IL7: variants seen among roughly 807,000 people sequenced by gnomAD.
IL7 encodes interleukin 7.
In IL7, 3 loss-of-function variants were observed where a neutral mutation model predicts 21.6. That is an observed-to-expected ratio of 0.14 (90% CI 0.06 to 0.36). IL7 has a LOEUF of 0.36. IL7 is among the 10% of genes least tolerant of loss of function. The pLI, the probability that IL7 is intolerant of heterozygous loss-of-function variation, is 1.00. For synonymous variants in IL7, 62 were observed against 68.1 expected, an observed-to-expected ratio of 0.91 and a Z score of 0.44; for missense variants, 175 against 200.2, an observed-to-expected ratio of 0.87 and a Z score of 0.76.
chr8:78,687,330 A>G (rs763727346), intron 3 of IL7, among the ~76,000 whole-genome samples: 2 of 151,622 alleles, frequency 1.3e-5, no homozygotes, highest in Non-Finnish European at 2.9e-5. Flanking sequence ...TAGCAAATCT[A>G]GATATGATCG....
At chr8:78,784,738 GAATAT>G (rs1813454079) in intron 2 of IL7, among the ~76,000 whole-genome samples, 1 of 151,884 alleles carries the variant, frequency 6.6e-6, no homozygotes, top group African/African-American at 2.4e-5. Context: ...GAAAATAAAA[GAATAT>G]AATATATTTT....
chr8:78,762,900 G>T (rs148314139), intron 2 of IL7, among the ~76,000 whole-genome samples: 1 of 151,934 alleles, frequency 6.6e-6, no homozygotes, highest in Non-Finnish European at 1.5e-5. Flanking sequence ...TAATTTCATG[G>T]ATTGGCTTCT....
chr8:78,793,730 G>T (rs1813768695), intron 2 of IL7, among the ~76,000 whole-genome samples: 1 of 152,100 alleles, frequency 6.6e-6, no homozygotes, highest in African/African-American at 2.4e-5. Context: ...TTTCATAAAA[G>T]ATTCCTCTGT....
chr8:78,762,299 A>G (rs1812590700), intron 2 of IL7: 1 of 1,595,500 alleles, frequency 6.3e-7, no homozygotes, highest in Admixed American at 1.7e-5. Flanking sequence ...TTTATCTTCT[A>G]AGTCTGCTCT....
At chr8:78,797,908 T>C (rs955603797) in intron 2 of IL7, 164 bp downstream of exon 2, 29 of 474,218 alleles carry the variant, frequency 6.1e-5, no homozygotes, top group Middle Eastern at 5.5e-4. Context: ...TACATAATTA[T>C]GTCAGCTATA....
intron 2 of IL7, among the ~76,000 whole-genome samples, chr8:78,749,003 G>A (rs1812075561): frequency 6.6e-6 from 1 of 152,118 alleles, no homozygotes; most frequent in African/African-American, 2.4e-5. Context: ...CTATGTAGAA[G>A]CCTATATTTA....
chr8:78,772,895 C>A (rs1023965253), intron 2 of IL7, among the ~76,000 whole-genome samples: 1 of 152,114 alleles, frequency 6.6e-6, no homozygotes, highest in Non-Finnish European at 1.5e-5. Flanking sequence ...AGGAGCACTT[C>A]CACCACACAG....
At chr8:78,774,568 A>G (rs1305608401) in intron 2 of IL7, among the ~76,000 whole-genome samples, 1 of 152,064 alleles carries the variant, frequency 6.6e-6, no homozygotes, top group East Asian at 1.9e-4. Flanking sequence ...AGCCCAAGTA[A>G]AGCAATTCTC....
rs374385318 is a variant in IL7 at position 78,804,914 on chromosome 8, A to G, written c.9T>C (p.His3=). The part of the protein sequence containing the change: MF[H]VSFRYIFGLP... ...TGCGCAAGGGAGAAGAGCGCTTACC[A>G]TGGAACATGGTCTGCGGGAGGCGGG... The change falls in exon 1 of 6, where the codon CAT becomes CAC. Residue 3 remains histidine, a splice_region_variant and synonymous_variant. Transcript: ENST00000263851. The G allele has an allele frequency of 8.6e-5, 138 of 1,612,878 alleles. 1 individual carries two copies. Among genetic ancestry groups the G allele is most frequent in the South Asian group, 1.9e-4 (17 of 90,936 alleles).
At chr8:78,686,453 TTATTTATTTA>T (rs1809976200) in intron 3 of IL7, 1 of 1,359,194 alleles carries the variant, frequency 7.4e-7, no homozygotes, top group East Asian at 2.8e-5. Flanking sequence ...ATTTATTTAT[TTATTTATTTA>T]TAGCCAGAAC....
chr8:78,704,473 G>C (rs2130575495), intron 3 of IL7, among the ~76,000 whole-genome samples: 1 of 151,484 alleles, frequency 6.6e-6, no homozygotes, highest in Non-Finnish European at 1.5e-5. Context: ...TCTGCTGTTA[G>C]TCTGATGGGC....
In IL7 at chr8:78,804,957, C is replaced by A. The variant is rs777696656; in HGVS notation, c.-35G>T. ...GAGGCGGGCGTAGTCATGATGACCGCAACTGGAGCAGGAGCAAGCTCTCAC... is the reference window on the plus strand; with the variant it reads ...GAGGCGGGCGTAGTCATGATGACCGAAACTGGAGCAGGAGCAAGCTCTCAC... On this transcript the variant is annotated 5_prime_UTR_variant, in exon 1 of 6. Coordinates refer to ENST00000263851, the MANE Select transcript of IL7 (RefSeq NM_000880.4). 1 of 1,608,312 alleles carries A rather than the reference C, an allele frequency of 6.2e-7. No homozygotes were observed. Among genetic ancestry groups the A allele is most frequent in the Non-Finnish European group, 8.5e-7 (1 of 1,176,578 alleles).
At chr8:78,744,712 A>G (rs1201963081) in intron 2 of IL7, among the ~76,000 whole-genome samples, 1 of 152,168 alleles carries the variant, frequency 6.6e-6, no homozygotes, top group African/African-American at 2.4e-5. Flanking sequence ...TGAAGGTGGA[A>G]TATCTACAGT....
At chr8:78,772,331 G>T (rs1586090923) in intron 2 of IL7, among the ~76,000 whole-genome samples, 1 of 152,080 alleles carries the variant, frequency 6.6e-6, no homozygotes, top group Admixed American at 6.6e-5. Context: ...CCTAAGCCCT[G>T]ACCACATGAC....
intron 3 of IL7, among the ~76,000 whole-genome samples, chr8:78,695,779 A>G (rs186540826): frequency 3.3e-5 from 5 of 152,312 alleles, no homozygotes; most frequent in African/African-American, 9.6e-5. Flanking sequence ...TTTGAAAGAC[A>G]TTTACTGAAG....
chr8:78,699,648 C>T (rs774710783), intron 3 of IL7, among the ~76,000 whole-genome samples: 11 of 151,952 alleles, frequency 7.2e-5, no homozygotes, highest in Admixed American at 1.3e-4. Context: ...GACTCCAGTA[C>T]GTGTTGTTCC....
intron 3 of IL7, among the ~76,000 whole-genome samples, chr8:78,708,988 C>G (rs1810871678): frequency 6.6e-6 from 1 of 152,104 alleles, no homozygotes; most frequent in African/African-American, 2.4e-5. Flanking sequence ...TCTTTAATAC[C>G]AGGAAATTTT....
chr8:78,687,467 T>C (rs1176914408), intron 3 of IL7, among the ~76,000 whole-genome samples: 2 of 145,574 alleles, frequency 1.4e-5, no homozygotes, highest in African/African-American at 5.0e-5. Flanking sequence ...CATAATTATA[T>C]ATATATTTAT....
At chr8:78,802,105 T>C (rs1216158581) in intron 1 of IL7, among the ~76,000 whole-genome samples, 2 of 152,222 alleles carry the variant, frequency 1.3e-5, no homozygotes, top group African/African-American at 4.8e-5. Flanking sequence ...AGTAGGGAAT[T>C]TGGTTAAACC....
Sources: allele counts gnomAD v4.1 joint callset (sites outside exome capture counted in the v4.1 genomes callset), GRCh38; gene constraint gnomAD v4.1.1; transcripts MANE v1.5; gene names NCBI Gene and HGNC (gene_info 2026-07-23, HGNC 2026-07-21).